The following DCHS2 variants were observed in gnomAD, a reference collection of about 807,000 sequenced individuals.
DCHS2 encodes the protein protocadherin-23.
A neutral mutation model predicts 182.4 loss-of-function variants in DCHS2; 142 were observed. The ratio of observed to expected loss-of-function variants is 0.78; its 90% CI spans 0.68 to 0.89. The LOEUF (loss-of-function observed/expected upper bound fraction) is 0.89. DCHS2 is among the 40% of genes least tolerant of loss of function. The probability of loss-of-function intolerance (pLI) is 0.00; values close to 1 mark genes in which losing one functional copy is unlikely to be tolerated. For synonymous variants in DCHS2, 1,740 were observed against 1,663.3 expected (o/e 1.05, Z -1.12); for missense variants, 4,319 against 4,198.6 (o/e 1.03, Z -0.79).
intron 1 of DCHS2, among the ~76,000 whole-genome samples, chr4:154,478,646 G>T (rs1735789822): frequency 6.6e-6 from 1 of 152,122 alleles, no homozygotes; most frequent in South Asian, 2.1e-4. Context: ...GGAACTCTTA[G>T]AGAGGGGAAA....
chr4:154,314,374 C>T (rs1735773953), intron 10 of DCHS2, among the ~76,000 whole-genome samples: 1 of 152,086 alleles, frequency 6.6e-6, no homozygotes, highest in Non-Finnish European at 1.5e-5. Context: ...TGAATACTGC[C>T]AAAAACGTAC....
intron 10 of DCHS2, among the ~76,000 whole-genome samples, chr4:154,308,239 A>G (rs1233965024): frequency 6.6e-6 from 1 of 151,568 alleles, no homozygotes; most frequent in African/African-American, 2.4e-5. Flanking sequence ...GGCATCATAT[A>G]TGGCTGACCA....
intron 3 of DCHS2, among the ~76,000 whole-genome samples, chr4:154,336,184 A>C (rs755793121): frequency 4.6e-5 from 7 of 152,228 alleles, no homozygotes; most frequent in Non-Finnish European, 1.0e-4. Flanking sequence ...AATGGGGACA[A>C]GAGTGACGAC....
chr4:154,453,345 G>C (rs1184635639), intron 1 of DCHS2, among the ~76,000 whole-genome samples: 1 of 150,532 alleles, frequency 6.6e-6, no homozygotes, highest in Non-Finnish European at 1.5e-5. Context: ...GGGGGTGGTG[G>C]GCAAAGATAG....
intron 1 of DCHS2, among the ~76,000 whole-genome samples, chr4:154,486,059 G>T (rs531072233): frequency 1.3e-5 from 2 of 152,192 alleles, no homozygotes; most frequent in Non-Finnish European, 2.9e-5. Flanking sequence ...ACTCCTGAGG[G>T]GTGGATTGTT....
chr4:154,322,659 T>A (rs1352713), intron 7 of DCHS2, 171 bp from the exon 8 acceptor site: 1 of 941,260 alleles, frequency 1.1e-6, no homozygotes, highest in African/African-American at 1.7e-5. Flanking sequence ...TTTTTAAAAA[T>A]TTTTATTATG....
chr4:154,417,515 A>G (rs1376682060), intron 1 of DCHS2, among the ~76,000 whole-genome samples: 1 of 152,198 alleles, frequency 6.6e-6, no homozygotes, highest in Non-Finnish European at 1.5e-5. Context: ...CTCACACGAG[A>G]AAAACCTACA....
At chr4:154,431,462 T>C (rs1733556731) in intron 1 of DCHS2, among the ~76,000 whole-genome samples, 1 of 152,198 alleles carries the variant, frequency 6.6e-6, no homozygotes, top group Non-Finnish European at 1.5e-5. Context: ...CACACATCTT[T>C]TGTTAGATAT....
rs879454776 is a variant in DCHS2, at chr4:154,325,335, G to A, written c.4018+2758C>T. On this transcript the variant is annotated intron_variant, in intron 7 of 19. Coordinates refer to ENST00000357232, the MANE Select transcript of DCHS2 (RefSeq NM_001358235.2). ...TATAGCCGTGTGTGTGTGTGTGTGT[G>A]TGTGTGTGTGTGTGTGTGTGTGTGT... Among the ~76,000 whole-genome samples, 47 of 150,206 alleles carry A rather than the reference G, an allele frequency of 3.1e-4. 1 individual carries two copies. The East Asian group carries it at 4.7e-3, about 15-fold the overall frequency.
At chr4:154,430,263 C>G (rs1733504640) in intron 1 of DCHS2, among the ~76,000 whole-genome samples, 1 of 152,160 alleles carries the variant, frequency 6.6e-6, no homozygotes, top group Admixed American at 6.5e-5. Context: ...ATTTATGCCA[C>G]TGAAATATTA....
At chr4:154,440,819 A>T (rs182099523) in intron 1 of DCHS2, among the ~76,000 whole-genome samples, 148 of 152,260 alleles carry the variant, frequency 9.7e-4, no homozygotes, top group Non-Finnish European at 1.8e-3. Context: ...GAGGCATTTA[A>T]AAAAATCACA....
intron 2 of DCHS2, chr4:154,373,809 G>A (rs1730754890): frequency 1.2e-6 from 1 of 821,856 alleles, no homozygotes. Context: ...CAGCCAAGAT[G>A]GAGAAGGTGT....
At chr4:154,321,679 C>T (rs185552562) in intron 8 of DCHS2, among the ~76,000 whole-genome samples, 1 of 152,230 alleles carries the variant, frequency 6.6e-6, no homozygotes, top group East Asian at 1.9e-4. Context: ...TTTCTCTTAA[C>T]CCACATACCC....
Position 154,491,157 on chromosome 4 carries a change from A to G in DCHS2, c.199T>C (p.Phe67Leu). ...WAASGSSAQL[F>L]NLTLSVDEGL... ...TCATCTACGGAAAGGGTGAGGTTGAACAACTGGGCAGAGGAGCCCGAGGCC... is the reference window on the plus strand; with the variant it reads ...TCATCTACGGAAAGGGTGAGGTTGAGCAACTGGGCAGAGGAGCCCGAGGCC... The change falls in exon 1 of 20, where the codon TTC (phenylalanine) becomes CTC (leucine). Residue 67 changes from phenylalanine to leucine, a missense_variant. By Grantham distance (22) the Phe-to-Leu change is conservative. Transcript: ENST00000357232. 1.3e-6 allele frequency: 2 copies of G among 1,551,206 alleles called. No individual in the cohort carries two copies. Among genetic ancestry groups the G allele is most frequent in the Non-Finnish European group, 1.7e-6 (2 of 1,146,706 alleles).
At position 154,315,900 on chromosome 4, in the gene DCHS2, G is replaced by T. The variant is rs1735837553; in HGVS notation, c.5108C>A (p.Ala1703Glu). The change falls in exon 10 of 20, where the codon GCA becomes GAA. Residue 1703 changes from alanine to glutamate, a missense_variant. Ala to Glu is a moderately radical substitution (Grantham distance 107). Transcript: ENST00000357232. ...TGTCAAAGTCTGGGATGAAGAAAGT[G>T]CTGGTGTGCCATCATCCAGTGCCAG... Reference protein sequence around the residue: ...TVLALDDGTPALSSSQTLTVT... With the variant: ...TVLALDDGTPELSSSQTLTVT... 1 of 1,613,860 alleles carries T rather than the reference G, an allele frequency of 6.2e-7. No individual in the cohort carries two copies. Among genetic ancestry groups the T allele is most frequent in the African/African-American group, 1.3e-5 (1 of 74,918 alleles).
chr4:154,292,649 A>G (rs1325811894), intron 13 of DCHS2, among the ~76,000 whole-genome samples: 1 of 152,130 alleles, frequency 6.6e-6, no homozygotes. Flanking sequence ...TATTTAACAC[A>G]TGGACTTGTT....
chr4:154,441,986 G>A (rs1734037732), intron 1 of DCHS2, among the ~76,000 whole-genome samples: 1 of 152,046 alleles, frequency 6.6e-6, no homozygotes. Context: ...AAGTCAATGG[G>A]TAAATTTTGT....
chr4:154,453,505 T>A (rs888345401), intron 1 of DCHS2, among the ~76,000 whole-genome samples: 7 of 152,096 alleles, frequency 4.6e-5, no homozygotes, highest in African/African-American at 1.7e-4. Context: ...CAGCATCCTA[T>A]CCCCAAGCCT....
chr4:154,440,371 T>C (rs1200759104), intron 1 of DCHS2, among the ~76,000 whole-genome samples: 1 of 152,264 alleles, frequency 6.6e-6, no homozygotes, highest in East Asian at 1.9e-4. Context: ...AGTCCCACTG[T>C]GCTGGTGGCT....
Sources: gnomAD v4.1 joint callset for allele counts (sites outside exome capture counted in the v4.1 genomes callset) on GRCh38, gnomAD v4.1.1 for gene constraint, MANE v1.5 for transcripts, NCBI Gene and HGNC (gene_info 2026-07-23, HGNC 2026-07-21) for gene names.